KIF26B: variants seen among roughly 807,000 people sequenced by gnomAD.
KIF26B encodes the protein kinesin family member 26B.
KIF26B carries 63 observed loss-of-function variants against 151.2 expected under a neutral mutation model. The ratio of observed to expected loss-of-function variants is 0.42; its 90% CI spans 0.34 to 0.51. The LOEUF is 0.51. Among genes scored for constraint, KIF26B ranks in the 20% least tolerant of loss-of-function variants. The probability of loss-of-function intolerance (pLI) is 0.07; values close to 1 mark genes in which losing one functional copy is unlikely to be tolerated. For missense variants in KIF26B, 2,813 were observed against 2,913.6 expected, an observed-to-expected ratio of 0.97 and a Z score of 0.79; for synonymous variants, 1,357 against 1,262.1, an observed-to-expected ratio of 1.08 and a Z score of -1.59.
At chr1:245,262,706 C>T (rs373103763) in intron 2 of KIF26B, among the ~76,000 whole-genome samples, 17 of 152,178 alleles carry the variant, frequency 1.1e-4, no homozygotes, top group African/African-American at 2.7e-4. Flanking sequence ...CCTCCCACCT[C>T]GGCCTCCCAA....
chr1:245,280,300 T>A (rs1396441443), intron 2 of KIF26B, among the ~76,000 whole-genome samples: 13 of 149,354 alleles, frequency 8.7e-5, no homozygotes, highest in Non-Finnish European at 1.9e-4. Context: ...GATCATGAGG[T>A]CAGGAGATTG....
intron 2 of KIF26B, among the ~76,000 whole-genome samples, chr1:245,250,012 A>G (rs1020722855): frequency 2.0e-5 from 3 of 152,238 alleles, no homozygotes; most frequent in Admixed American, 6.5e-5. Flanking sequence ...AAATTATGAA[A>G]CATATTAAAA....
chr1:245,501,654 T>C (rs1660623458), intron 4 of KIF26B, among the ~76,000 whole-genome samples: 1 of 152,246 alleles, frequency 6.6e-6, no homozygotes, highest in African/African-American at 2.4e-5. Flanking sequence ...ACTAGTGTGG[T>C]AGTAGGAATT....
At chr1:245,413,256 G>A (rs773501533) in intron 3 of KIF26B, among the ~76,000 whole-genome samples, 1 of 152,228 alleles carries the variant, frequency 6.6e-6, no homozygotes, top group Non-Finnish European at 1.5e-5. Flanking sequence ...AAACATGTTA[G>A]ATGGATATTT....
At position 245,292,331 on chromosome 1, in the gene KIF26B, A is replaced by T. The variant is rs548420249; in HGVS notation, c.466-74503A>T. ...AGCTGGTGCACTGGGGAAGAGAGGG[A>T]ACCGTCACTGCCAGCTGCCCGGTGG... On this transcript the variant is annotated intron_variant, in intron 2 of 14. Transcript: ENST00000407071. Among the ~76,000 whole-genome samples, 152 of 152,260 alleles carry T rather than the reference A, an allele frequency of 1.0e-3. 1 individual carries two copies. The highest frequency in any genetic ancestry group is 3.3e-3 in the African/African-American group (139 of 41,546).
chr1:245,610,794 G>A (rs949829023), intron 8 of KIF26B, among the ~76,000 whole-genome samples: 1 of 152,208 alleles, frequency 6.6e-6, no homozygotes, highest in Non-Finnish European at 1.5e-5. Context: ...TCCATAGCGA[G>A]ACAAAATTTT....
At chr1:245,635,753 A>G (rs1179657423) in intron 9 of KIF26B, among the ~76,000 whole-genome samples, 2 of 151,988 alleles carry the variant, frequency 1.3e-5, no homozygotes, top group Non-Finnish European at 2.9e-5. Flanking sequence ...GCTTTCTGAT[A>G]TAGGCATTTA....
chr1:245,588,395 G>A (rs963707860), intron 5 of KIF26B, among the ~76,000 whole-genome samples: 8 of 152,186 alleles, frequency 5.3e-5, no homozygotes, highest in Admixed American at 4.6e-4. Flanking sequence ...CCAGGCGGAG[G>A]GGCGGTGAAG....
intron 9 of KIF26B, among the ~76,000 whole-genome samples, chr1:245,616,247 T>C (rs995196002): frequency 1.3e-5 from 2 of 152,242 alleles, no homozygotes; most frequent in Admixed American, 1.3e-4. Flanking sequence ...GCTTAAAATA[T>C]CTCCCTGTTT....
chr1:245,588,460 CATT>C (rs1235730486), intron 5 of KIF26B, among the ~76,000 whole-genome samples: 1 of 152,154 alleles, frequency 6.6e-6, no homozygotes, highest in African/African-American at 2.4e-5. Context: ...CGGAGCGTCT[CATT>C]AGCGTTTGCT....
At chr1:245,550,829 A>G (rs1027094919) in intron 5 of KIF26B, among the ~76,000 whole-genome samples, 1 of 152,202 alleles carries the variant, frequency 6.6e-6, no homozygotes, top group East Asian at 1.9e-4. Context: ...CAGGAAGCCC[A>G]GAAGAGTTTA....
At chr1:245,596,274 C>T (rs2043335411) in intron 5 of KIF26B, among the ~76,000 whole-genome samples, 1 of 152,140 alleles carries the variant, frequency 6.6e-6, no homozygotes, top group South Asian at 2.1e-4. Flanking sequence ...TAGATCTTTC[C>T]TGCTTTCTCC....
intron 5 of KIF26B, among the ~76,000 whole-genome samples, chr1:245,549,678 C>G (rs548936650): frequency 3.9e-4 from 59 of 152,264 alleles, no homozygotes; most frequent in African/African-American, 1.3e-3. Context: ...AAATGCTGTT[C>G]TTGCCTACTG....
At chr1:245,464,404 C>T (rs550685078) in intron 4 of KIF26B, among the ~76,000 whole-genome samples, 8 of 134,760 alleles carry the variant, frequency 5.9e-5, no homozygotes, top group South Asian at 2.5e-4. Context: ...TGGGTGTGTG[C>T]GTATGTGGGG....
At position 245,520,598 on chromosome 1, in the gene KIF26B, AT is replaced by A. The variant is rs1173269310; in HGVS notation, c.1167-20168del. ...CATCCATCCATCCATCCATCCATCC[AT>A]CCACCCACCCACCCATCCATCCATC... is the stretch of plus-strand genomic sequence containing the variant. On this transcript the variant is annotated intron_variant, in intron 4 of 14. Coordinates refer to ENST00000407071, the MANE Select transcript of KIF26B (RefSeq NM_018012.4). Among the ~76,000 whole-genome samples, 45 of 92,396 alleles carry A rather than the reference AT, an allele frequency of 4.9e-4. 1 individual carries two copies. Among genetic ancestry groups the A allele is most frequent in the South Asian group, 1.2e-3 (3 of 2,406 alleles). The allele number at this position is 92,396 out of a possible 152,430, so 60.6% of individuals were successfully genotyped here. A position where few individuals can be genotyped will look rare whatever the true frequency, so the allele number is the denominator to read the frequency against.
intron 5 of KIF26B, among the ~76,000 whole-genome samples, chr1:245,549,879 C>A (rs915289212): frequency 6.6e-6 from 1 of 151,948 alleles, no homozygotes; most frequent in African/African-American, 2.4e-5. Flanking sequence ...TTCCCAGATT[C>A]AAGCGATTCT....
intron 4 of KIF26B, among the ~76,000 whole-genome samples, chr1:245,470,163 G>T (rs1487422363): frequency 6.6e-6 from 1 of 152,102 alleles, no homozygotes; most frequent in African/African-American, 2.4e-5. Flanking sequence ...CTGATTGGAG[G>T]TGACGTTGAC....
At chr1:245,335,942 G>GGGCCCACGCAGGGAAAGGAGA (rs1672218522) in intron 2 of KIF26B, among the ~76,000 whole-genome samples, 1 of 112,224 alleles carries the variant, frequency 8.9e-6, no homozygotes, top group African/African-American at 4.7e-5. Flanking sequence ...AGGGAAAGAG[G>GGGCCCACGCAGGGAAAGGAGA]GTCCCACGCA....
chr1:245,598,394 T>C (rs2043356568), intron 5 of KIF26B, among the ~76,000 whole-genome samples: 1 of 152,200 alleles, frequency 6.6e-6, no homozygotes, highest in Non-Finnish European at 1.5e-5. Context: ...CATTTGCCCA[T>C]AGCCCTCCTG....
Sources: gnomAD v4.1 joint callset for allele counts (sites outside exome capture counted in the v4.1 genomes callset) on GRCh38, gnomAD v4.1.1 for gene constraint, MANE v1.5 for transcripts, NCBI Gene and HGNC (gene_info 2026-07-23, HGNC 2026-07-21) for gene names.